The following VIT variants were observed in gnomAD, a reference collection of about 807,000 sequenced individuals.
The protein encoded by VIT is vitrin.
In VIT, 99 loss-of-function variants were observed where a neutral mutation model predicts 78.0. The ratio of observed to expected loss-of-function variants is 1.27; its 90% CI spans 1.08 to 1.50. VIT has a LOEUF of 1.50. Among genes scored for constraint, VIT ranks in the 40% most tolerant of loss-of-function variants. The pLI is 0.00. For missense variants in VIT, 1,126 were observed against 875.3 expected (o/e 1.29, Z -3.61); for synonymous variants, 374 against 334.3 (o/e 1.12, Z -1.29).
chr2:36,799,587 A>C (rs1328061229), intron 12 of VIT, among the ~76,000 whole-genome samples: 1 of 152,080 alleles, frequency 6.6e-6, no homozygotes. Flanking sequence ...GTGTGGTGGC[A>C]TGCACCTGTG....
chr2:36,730,075 C>G (rs942646010), intron 3 of VIT, among the ~76,000 whole-genome samples: 1 of 152,044 alleles, frequency 6.6e-6, no homozygotes, highest in Non-Finnish European at 1.5e-5. Flanking sequence ...GCGGGCGGAT[C>G]ACTTGAAGTC....
At chr2:36,724,202 A>G (rs1224666701) in intron 2 of VIT, among the ~76,000 whole-genome samples, 1 of 152,102 alleles carries the variant, frequency 6.6e-6, no homozygotes, top group Non-Finnish European at 1.5e-5. Flanking sequence ...TATTTTTAGT[A>G]GAGACGGGGT....
chr2:36,766,426 G>A (rs996959135), intron 6 of VIT, among the ~76,000 whole-genome samples: 1 of 152,172 alleles, frequency 6.6e-6, no homozygotes, highest in African/African-American at 2.4e-5. Flanking sequence ...CAGCTACTTG[G>A]GAGGTTAGGT....
chr2:36,760,125 G>C (rs1282418037), intron 6 of VIT, among the ~76,000 whole-genome samples: 1 of 151,924 alleles, frequency 6.6e-6, no homozygotes, highest in Middle Eastern at 3.2e-3. Context: ...CTCCCGAGTA[G>C]CTGTGACTAC....
chr2:36,737,843 C>T (rs1372296807), intron 3 of VIT, among the ~76,000 whole-genome samples: 1 of 152,174 alleles, frequency 6.6e-6, no homozygotes, highest in East Asian at 1.9e-4. Context: ...GCGCCAACAC[C>T]AGTGGGTTCT....
intron 7 of VIT, among the ~76,000 whole-genome samples, chr2:36,772,337 G>A (rs1323932430): frequency 6.6e-6 from 1 of 152,136 alleles, no homozygotes; most frequent in Non-Finnish European, 1.5e-5. Context: ...AGGAGTTCAA[G>A]ACCAGCCTGA....
chr2:36,800,163 G>C (rs992586186), intron 12 of VIT, among the ~76,000 whole-genome samples: 1 of 152,094 alleles, frequency 6.6e-6, no homozygotes, highest in African/African-American at 2.4e-5. Flanking sequence ...TGGCTAAGAT[G>C]GTGAAACCCT....
At chr2:36,725,953 C>T (rs1558517641) in intron 2 of VIT, among the ~76,000 whole-genome samples, 1 of 152,034 alleles carries the variant, frequency 6.6e-6, no homozygotes, top group Non-Finnish European at 1.5e-5. Context: ...CACCTATAAT[C>T]CCAGCTATTC....
In VIT at chr2:36,758,099, T is replaced by A. The variant is rs184978898; in HGVS notation, c.410-870T>A. Among the ~76,000 whole-genome samples, 44 of 152,350 alleles carry A rather than the reference T, an allele frequency of 2.9e-4. No homozygotes were observed. In the East Asian group the frequency reaches 5.4e-3, roughly 19 times the overall value. The stretch of plus-strand genomic sequence containing the variant: ...CAGATGGGAGAAGAAATGCTTTCAT[T>A]ACTAGATGTAATATTGGCTAACAGG... On this transcript the variant is annotated intron_variant, in intron 5 of 15. Transcript: ENST00000379242.
At chr2:36,776,739 A>T (rs1670070155) in intron 9 of VIT, among the ~76,000 whole-genome samples, 1 of 151,470 alleles carries the variant, frequency 6.6e-6, no homozygotes, top group Non-Finnish European at 1.5e-5. Flanking sequence ...AGGGTGCAGT[A>T]AGCTGAGATG....
At chr2:36,758,945 G>GTTTTTTTTTTTT in intron 5 of VIT, 24 bp from the exon 6 acceptor site, 1 of 1,393,226 alleles carries the variant, frequency 7.2e-7, no homozygotes, top group Non-Finnish European at 9.8e-7. Context: ...AATAAATCTC[G>GTTTTTTTTTTTT]TTTTTTTTTT....
chr2:36,771,534 AAAAGAAAAAG>A (rs1669759547), intron 7 of VIT, among the ~76,000 whole-genome samples: 3 of 148,878 alleles, frequency 2.0e-5, no homozygotes, highest in African/African-American at 7.7e-5. Context: ...TCAAAAAAAA[AAAAGAAAAAG>A]AAAAAGAAAA....
chr2:36,722,150 A>AGCAT (rs1666553328), intron 2 of VIT, among the ~76,000 whole-genome samples: 1 of 152,242 alleles, frequency 6.6e-6, no homozygotes, highest in Non-Finnish European at 1.5e-5. Context: ...TTTAAGAGGT[A>AGCAT]GCATGCTTGC....
At chr2:36,723,107 C>T in intron 2 of VIT, among the ~76,000 whole-genome samples, 1 of 152,100 alleles carries the variant, frequency 6.6e-6, no homozygotes, top group African/African-American at 2.4e-5. Context: ...TATTTATCTG[C>T]ATATATTTTA....
At chr2:36,740,938 C>T (rs972145172) in intron 3 of VIT, among the ~76,000 whole-genome samples, 1 of 152,206 alleles carries the variant, frequency 6.6e-6, no homozygotes, top group Non-Finnish European at 1.5e-5. Context: ...GACTCGTTTA[C>T]ACAACCCCAA....
intron 4 of VIT, among the ~76,000 whole-genome samples, chr2:36,745,565 C>G (rs1572461563): frequency 6.6e-6 from 1 of 151,948 alleles, no homozygotes; most frequent in Admixed American, 6.6e-5. Flanking sequence ...TTTTCTTCTT[C>G]TTGTGGCTAC....
At chr2:36,766,923 C>T (rs1009675845) in intron 6 of VIT, among the ~76,000 whole-genome samples, 171 bp from the exon 7 acceptor site, 1 of 152,248 alleles carries the variant, frequency 6.6e-6, no homozygotes, top group Non-Finnish European at 1.5e-5. Context: ...GCTCTGAGAG[C>T]ATACATTCTT....
At chr2:36,762,538 C>T (rs905120364) in intron 6 of VIT, among the ~76,000 whole-genome samples, 1 of 152,124 alleles carries the variant, frequency 6.6e-6, no homozygotes. Context: ...GTCCCCAAGT[C>T]CTAAGTCCTT....
intron 12 of VIT, among the ~76,000 whole-genome samples, chr2:36,794,090 G>C (rs894325797): frequency 1.3e-5 from 2 of 152,098 alleles, no homozygotes; most frequent in African/African-American, 2.4e-5. Flanking sequence ...AGCCTTCCTA[G>C]GAATCAAACA....
Sources: allele counts gnomAD v4.1 joint callset (sites outside exome capture counted in the v4.1 genomes callset), GRCh38; gene constraint gnomAD v4.1.1; transcripts MANE v1.5; gene names NCBI Gene and HGNC (gene_info 2026-07-23, HGNC 2026-07-21).